Variants in CACNA2D4 observed in about 807,000 individuals in gnomAD.
CACNA2D4 encodes the protein calcium voltage-gated channel auxiliary subunit alpha2delta 4.
A neutral mutation model predicts 163.8 loss-of-function variants in CACNA2D4; 157 were observed. That is an observed-to-expected ratio of 0.96 (90% confidence interval 0.84 to 1.09). The LOEUF is 1.09. CACNA2D4 is among the 50% of genes least tolerant of loss of function. The pLI is 0.00. For missense variants in CACNA2D4, 1,410 were observed against 1,479.9 expected, an observed-to-expected ratio of 0.95 and a Z score of 0.78; for synonymous variants, 598 against 586.9, an observed-to-expected ratio of 1.02 and a Z score of -0.27.
chr12:1,900,283 G>A (rs1014286115), intron 6 of CACNA2D4, among the ~76,000 whole-genome samples: 1 of 152,074 alleles, frequency 6.6e-6, no homozygotes, highest in African/African-American at 2.4e-5. Flanking sequence ...ACACCACCAC[G>A]ACTGGCTAAT....
At position 1,829,175 on chromosome 12, in the gene CACNA2D4, G is replaced by A. The variant is rs558577466; in HGVS notation, c.2551+11564C>T. On this transcript the variant is annotated intron_variant, in intron 26 of 37. Coordinates refer to ENST00000382722, the MANE Select transcript of CACNA2D4 (RefSeq NM_172364.5). This position sits in a 1 kb window ranked among gnomAD's most constrained non-coding sequence, Gnocchi z 4.2. ...CTTGATCTCCAGGGAGGTGGGGGGC[G>A]CAGGGAGTCGCTCTTCCGCAGCGGC... is the stretch of plus-strand genomic sequence containing the variant. 1.6e-4 allele frequency among the ~76,000 whole-genome samples: 25 copies of A among 152,292 alleles called. No individual in the cohort carries two copies. The highest frequency in any genetic ancestry group is 3.4e-3 in the Middle Eastern group (1 of 294).
intron 23 of CACNA2D4, among the ~76,000 whole-genome samples, 197 bp from the exon 24 acceptor site, chr12:1,846,886 C>T (rs1487048232): frequency 6.6e-6 from 1 of 152,230 alleles, no homozygotes; most frequent in Non-Finnish European, 1.5e-5. Context: ...GGTTTCAGGC[C>T]CGGCTTCCGG....
intron 26 of CACNA2D4, among the ~76,000 whole-genome samples, chr12:1,819,512 C>T (rs547217778): frequency 5.3e-5 from 8 of 152,174 alleles, no homozygotes; most frequent in Non-Finnish European, 1.0e-4. Context: ...ACATAGGACA[C>T]GGTGATATAT....
chr12:1,851,960 T>C (rs1865293333), intron 23 of CACNA2D4, among the ~76,000 whole-genome samples: 1 of 152,194 alleles, frequency 6.6e-6, no homozygotes, highest in Non-Finnish European at 1.5e-5. Flanking sequence ...TCGTATGTTC[T>C]TGTAGTCTTA....
At chr12:1,839,307 C>T (rs975817044) in intron 26 of CACNA2D4, among the ~76,000 whole-genome samples, 2 of 152,356 alleles carry the variant, frequency 1.3e-5, no homozygotes, top group Admixed American at 1.3e-4. Flanking sequence ...CAGAACACAG[C>T]TGGGTCCCAG....
chr12:1,879,643 G>T (rs1865950977), intron 14 of CACNA2D4, among the ~76,000 whole-genome samples, 161 bp downstream of exon 14: 1 of 152,226 alleles, frequency 6.6e-6, no homozygotes, highest in Non-Finnish European at 1.5e-5. Context: ...CCAACCAGGA[G>T]AGTCTGGGGT....
chr12:1,800,488 G>C, intron 31 of CACNA2D4, 50 bp from the exon 32 acceptor site: 1 of 1,584,344 alleles, frequency 6.3e-7, no homozygotes, highest in South Asian at 1.1e-5. Context: ...AAGGGTGAGG[G>C]TGCCCCCCCC....
rs151098553 is a variant in CACNA2D4 at position 1,917,781 on chromosome 12, G to C, written c.227+466C>G. The stretch of plus-strand genomic sequence containing the variant: ...TTCCTGGACAAGCCACCTCCTGTGC[G>C]CATGAGACGTTCTGTGGGTTCAGAA... On this transcript the variant is annotated intron_variant, in intron 1 of 37. Coordinates refer to ENST00000382722, the MANE Select transcript of CACNA2D4 (RefSeq NM_172364.5). This position sits in a 1 kb window ranked among gnomAD's most constrained non-coding sequence, Gnocchi z 4.3. Among the ~76,000 whole-genome samples the C allele has an allele frequency of 6.6e-6, 1 of 152,198 alleles. No homozygotes were observed. Among genetic ancestry groups the C allele is most frequent in the Non-Finnish European group, 1.5e-5 (1 of 68,032 alleles).
intron 4 of CACNA2D4, among the ~76,000 whole-genome samples, chr12:1,908,955 C>T (rs910008203): frequency 2.6e-5 from 4 of 152,204 alleles, no homozygotes; most frequent in African/African-American, 9.7e-5. Context: ...CCTCACGACA[C>T]TGTGGCCCGC....
At chr12:1,846,343 A>G (rs1865141212) in intron 24 of CACNA2D4, among the ~76,000 whole-genome samples, 1 of 150,840 alleles carries the variant, frequency 6.6e-6, no homozygotes, top group South Asian at 2.1e-4. Flanking sequence ...AGGATGTGTA[A>G]GCCTTCGGGG....
chr12:1,887,080 A>G lies in CACNA2D4; in HGVS notation c.782-11T>C. 3 of 1,572,246 alleles carry G rather than the reference A, an allele frequency of 1.9e-6. No homozygotes were observed. The South Asian group carries it at 3.5e-5, about 18-fold the overall frequency. On this transcript the variant is annotated splice_polypyrimidine_tract_variant and intron_variant, in intron 6 of 37. Coordinates refer to ENST00000382722, the MANE Select transcript of CACNA2D4 (RefSeq NM_172364.5). The stretch of plus-strand genomic sequence containing the variant: ...GTGTCCATTTTATACCTGGGAGAAT[A>G]AAGACTCGTTCTTTTACTAGCTTGG...
chr12:1,884,734 C>G, intron 11 of CACNA2D4, 34 bp downstream of exon 11: 3 of 1,452,238 alleles, frequency 2.1e-6, no homozygotes, highest in Non-Finnish European at 2.9e-6. Flanking sequence ...GCAGGAGAAG[C>G]TTTTTTCTCC....
intron 6 of CACNA2D4, among the ~76,000 whole-genome samples, chr12:1,889,235 C>T (rs572390261): frequency 2.0e-5 from 3 of 152,120 alleles, no homozygotes; most frequent in Non-Finnish European, 2.9e-5. Flanking sequence ...GGAGGACTTA[C>T]TTTAAGAAGA....
chr12:1,896,606 AACAC>A (rs61535168), intron 6 of CACNA2D4, among the ~76,000 whole-genome samples: 10,040 of 130,496 alleles, frequency 0.077, 472 homozygotes, highest in African/African-American at 0.12. Context: ...GCTATTAATA[AACAC>A]ACACACACAC....
rs1168445861 is a variant in CACNA2D4, at chr12:1,802,216, C to T, written c.2722-572G>A. 6.6e-6 allele frequency among the ~76,000 whole-genome samples: 1 copy of T among 152,008 alleles called. No homozygotes were observed. The highest frequency in any genetic ancestry group is 1.5e-5 in the Non-Finnish European group (1 of 67,994). ...CAATCAGTGTGCCCTGTGGATCGGT[C>T]ATTTGTCCCCTCCATGACAATGACC... is the stretch of plus-strand genomic sequence containing the variant. On this transcript the variant is annotated intron_variant, in intron 29 of 37. Coordinates refer to ENST00000382722, the MANE Select transcript of CACNA2D4 (RefSeq NM_172364.5). This position sits in a 1 kb window ranked among gnomAD's most constrained non-coding sequence, Gnocchi z 4.7.
At chr12:1,905,917 C>T (rs1866649725) in intron 6 of CACNA2D4, among the ~76,000 whole-genome samples, 2 of 152,166 alleles carry the variant, frequency 1.3e-5, no homozygotes, top group African/African-American at 2.4e-5. Flanking sequence ...GGCACACTTC[C>T]TGATTTTTAA....
chr12:1,909,033 C>T (rs1231781293), intron 4 of CACNA2D4, among the ~76,000 whole-genome samples: 1 of 152,188 alleles, frequency 6.6e-6, no homozygotes, highest in African/African-American at 2.4e-5. Context: ...CTGCCTTTCC[C>T]TGCTGAGAAA....
chr12:1,810,222 T>C, intron 29 of CACNA2D4, 56 bp downstream of exon 29: 1 of 1,454,984 alleles, frequency 6.9e-7, no homozygotes, highest in South Asian at 1.2e-5. Flanking sequence ...GGCTGCCCAA[T>C]GTCTCCAGTC....
chr12:1,814,816 G>A (rs377347172), intron 26 of CACNA2D4, among the ~76,000 whole-genome samples: 9 of 152,184 alleles, frequency 5.9e-5, no homozygotes, highest in Non-Finnish European at 1.0e-4. Flanking sequence ...TCCACATAGA[G>A]TGGATCTTTC....
Sources: gnomAD v4.1 joint callset for allele counts (sites outside exome capture counted in the v4.1 genomes callset) on GRCh38, gnomAD v4.1.1 for gene constraint, Gnocchi (gnomAD v3.1) non-coding constraint, MANE v1.5 for transcripts, NCBI Gene and HGNC (gene_info 2026-07-23, HGNC 2026-07-21) for gene names.